The following MAPK4 variants were observed in gnomAD, a reference collection of about 807,000 sequenced individuals.
The protein encoded by MAPK4 is Erk3-related.
Under a neutral mutation model 47.7 loss-of-function variants are expected in MAPK4, and 22 were observed. That is an observed-to-expected ratio of 0.46 (90% CI 0.33 to 0.66). MAPK4 has a LOEUF of 0.66. Among genes scored for constraint, MAPK4 ranks in the 30% least tolerant of loss-of-function variants. MAPK4 has a pLI of 0.02. For missense variants in MAPK4, 736 were observed against 831.7 expected (o/e 0.88, Z 1.42); for synonymous variants, 390 against 365.7 (o/e 1.07, Z -0.76).
intron 2 of MAPK4, chr18:50,704,657 G>T (rs1291306225): frequency 7.5e-6 from 3 of 398,610 alleles, no homozygotes; most frequent in Non-Finnish European, 1.3e-5. Flanking sequence ...TTCCAGTCCT[G>T]TGGGGTGGGA....
At chr18:50,635,015 A>G (rs565928600) in intron 1 of MAPK4, among the ~76,000 whole-genome samples, 1 of 152,334 alleles carries the variant, frequency 6.6e-6, no homozygotes, top group Admixed American at 6.5e-5. Context: ...CCTGGCATCC[A>G]TATTTGTCAA....
chr18:50,603,258 G>T (rs1202612414), intron 1 of MAPK4, among the ~76,000 whole-genome samples: 1 of 152,142 alleles, frequency 6.6e-6, no homozygotes, highest in Non-Finnish European at 1.5e-5. Flanking sequence ...CCACCCCAGA[G>T]CTCAGCCAGC....
chr18:50,726,283 A>C, intron 5 of MAPK4, 108 bp downstream of exon 5: 2 of 1,018,906 alleles, frequency 2.0e-6, no homozygotes, highest in Non-Finnish European at 2.9e-6. Flanking sequence ...TGCATAGCTC[A>C]TTGGACGACT....
Position 50,625,927 on chromosome 18 carries a change from C to CACAT in MAPK4, c.-870-37161_-870-37160insCATA, listed in dbSNP as rs1167419602. On this transcript the variant is annotated intron_variant, in intron 1 of 5. Coordinates refer to ENST00000400384, the MANE Select transcript of MAPK4 (RefSeq NM_002747.4). ...ACACACACACACACACACACACACA[C>CACAT]ATATATAATGACATTTATTTTAAGG... Among the ~76,000 whole-genome samples, 543 of 93,318 alleles carry CACAT rather than the reference C, an allele frequency of 5.8e-3. 3 individuals carry two copies. Among genetic ancestry groups the CACAT allele is most frequent in the African/African-American group, 0.021 (514 of 24,286 alleles). 61.2% of individuals were successfully genotyped at this position (93,318 alleles called of 152,430 possible).
chr18:50,696,906 G>A (rs1909542422), intron 2 of MAPK4, among the ~76,000 whole-genome samples: 1 of 152,072 alleles, frequency 6.6e-6, no homozygotes, highest in Non-Finnish European at 1.5e-5. Flanking sequence ...TTGAGCACCT[G>A]GAGAGAGAAA....
At chr18:50,697,927 G>A (rs1909595690) in intron 2 of MAPK4, among the ~76,000 whole-genome samples, 1 of 152,170 alleles carries the variant, frequency 6.6e-6, no homozygotes, top group Admixed American at 6.5e-5. Context: ...AATTAGGGGA[G>A]TTCGCTCTTA....
chr18:50,635,951 A>G (rs1236386226), intron 1 of MAPK4, among the ~76,000 whole-genome samples: 1 of 152,186 alleles, frequency 6.6e-6, no homozygotes, highest in Non-Finnish European at 1.5e-5. Context: ...CCTGGTCCAC[A>G]TGGTCACATG....
chr18:50,627,616 C>A (rs2042790735), intron 1 of MAPK4, among the ~76,000 whole-genome samples: 1 of 152,186 alleles, frequency 6.6e-6, no homozygotes, highest in Admixed American at 6.5e-5. Flanking sequence ...GCTCTTACAG[C>A]ATTGAACAAA....
chr18:50,581,481 A>G (rs1170124344), intron 1 of MAPK4, among the ~76,000 whole-genome samples: 1 of 152,222 alleles, frequency 6.6e-6, no homozygotes, highest in Non-Finnish European at 1.5e-5. Context: ...CGGTACCTCT[A>G]CAACCTGGAC....
At chr18:50,711,190 C>A (rs1910340895) in intron 2 of MAPK4, among the ~76,000 whole-genome samples, 1 of 152,220 alleles carries the variant, frequency 6.6e-6, no homozygotes, top group Non-Finnish European at 1.5e-5. Flanking sequence ...TAATTATGCT[C>A]CTCACAGGGC....
intron 1 of MAPK4, among the ~76,000 whole-genome samples, chr18:50,601,237 G>A (rs1438423809): frequency 6.6e-6 from 1 of 151,198 alleles, no homozygotes; most frequent in East Asian, 1.9e-4. Flanking sequence ...GGAAAGCTGA[G>A]GTGGGAAGAT....
chr18:50,561,463 G>A (rs2042152758), intron 1 of MAPK4, among the ~76,000 whole-genome samples: 1 of 152,306 alleles, frequency 6.6e-6, no homozygotes, highest in Non-Finnish European at 1.5e-5. Flanking sequence ...AAGGTGAAGC[G>A]TCATGACGTT....
intron 2 of MAPK4, among the ~76,000 whole-genome samples, chr18:50,675,138 C>T (rs1908184997): frequency 1.3e-5 from 2 of 152,184 alleles, no homozygotes; most frequent in African/African-American, 4.8e-5. Context: ...CAGAGAGTAA[C>T]TTATCCAGGG....
Position 50,664,362 on chromosome 18 carries a change from G to A in MAPK4, c.404G>A (p.Arg135His), listed in dbSNP as rs1907477866. The A allele has an allele frequency of 7.4e-6, 12 of 1,613,920 alleles. No individual in the cohort carries two copies. Among genetic ancestry groups the A allele is most frequent in the South Asian group, 1.1e-5 (1 of 91,076 alleles). Residue 135 changes from arginine to histidine, a missense_variant, in exon 2 of 6, where the codon CGC (arginine) becomes CAC (histidine). By Grantham distance (29) the Arg-to-His change is conservative. This residue lies in a region of MAPK4 where 327 missense variants were observed against 395.4 expected (regional missense o/e 0.83). Coordinates refer to ENST00000400384, the MANE Select transcript of MAPK4 (RefSeq NM_002747.4). The surrounding 1 kb of genome is among the most constrained non-coding windows in gnomAD (Gnocchi z 6.0). ...AAGCTGTTCATGTACCAGCTGCTCC[G>A]CGGGCTCAAGTACATCCACTCCGCC... ...HAKLFMYQLL[R>H]GLKYIHSANV...
chr18:50,571,990 G>A (rs1164059016), intron 1 of MAPK4, among the ~76,000 whole-genome samples: 1 of 152,212 alleles, frequency 6.6e-6, no homozygotes, highest in African/African-American at 2.4e-5. Context: ...AGGAGAATAA[G>A]GAAGATGATT....
chr18:50,602,978 ACTG>A (rs1416552627), intron 1 of MAPK4, among the ~76,000 whole-genome samples: 1 of 152,064 alleles, frequency 6.6e-6, no homozygotes, highest in Non-Finnish European at 1.5e-5. Flanking sequence ...AGCTACAAAA[ACTG>A]CTCACATGAC....
At chr18:50,700,640 C>T (rs1029980585) in intron 2 of MAPK4, among the ~76,000 whole-genome samples, 4 of 152,210 alleles carry the variant, frequency 2.6e-5, no homozygotes, top group Non-Finnish European at 5.9e-5. Flanking sequence ...TACCCACCTC[C>T]TGTGCCTCTT....
rs77304064 is a variant in MAPK4 at position 50,576,139 on chromosome 18, T to G, written c.-871+15896T>G. On this transcript the variant is annotated intron_variant, in intron 1 of 5. Transcript: ENST00000400384. ...ATTTGACCCAGCAATCCTTTTTTTT[T>G]GGGTATATACCCAAAGGAATTTAAA... 9.5e-3 allele frequency among the ~76,000 whole-genome samples: 1,440 copies of G among 152,046 alleles called. 7 individuals carry two copies. Among genetic ancestry groups the G allele is most frequent in the African/African-American group, 0.019 (789 of 41,480 alleles).
At position 50,573,478 on chromosome 18, in the gene MAPK4, A is replaced by G. The variant is rs1386409343; in HGVS notation, c.-871+13235A>G. 3.3e-5 allele frequency among the ~76,000 whole-genome samples: 5 copies of G among 152,170 alleles called. No individual in the cohort carries two copies. The East Asian group carries it at 9.6e-4, about 29-fold the overall frequency. On this transcript the variant is annotated intron_variant, in intron 1 of 5. Transcript: ENST00000400384. ...GCACAAACCCTATTGTGAACTGCAC[A>G]TGTGGGGGATCTAAGTTACATGCTC...
Sources: allele counts gnomAD v4.1 joint callset (sites outside exome capture counted in the v4.1 genomes callset), GRCh38; gene constraint gnomAD v4.1.1; regional missense constraint gnomAD v4.1.1; non-coding constraint Gnocchi (gnomAD v3.1); transcripts MANE v1.5; gene names NCBI Gene and HGNC (gene_info 2026-07-23, HGNC 2026-07-21).